VDAC1: variants seen among roughly 807,000 people sequenced by gnomAD.
VDAC1 encodes the protein non-selective voltage-gated ion channel VDAC1.
Under a neutral mutation model 34.7 loss-of-function variants are expected in VDAC1, and 10 were observed. That is an observed-to-expected ratio of 0.29 (90% CI 0.18 to 0.49). The LOEUF (loss-of-function observed/expected upper bound fraction) is 0.49, where lower values mean the gene tolerates loss of function less well. Ranked by LOEUF, VDAC1 falls within the 20% of genes least tolerant of loss-of-function variation. The pLI, the probability that VDAC1 is intolerant of heterozygous loss-of-function variation, is 0.99. For synonymous variants in VDAC1, 130 were observed against 136.0 expected (o/e 0.96, Z 0.30); for missense variants, 230 against 347.9 (o/e 0.66, Z 2.69).
chr5:134,095,501 T>C, the VDAC1 span, among the ~76,000 whole-genome samples: 1 of 142,228 alleles, frequency 7.0e-6, no homozygotes, highest in African/African-American at 3.1e-5. Context: ...AATAAATAAA[T>C]AAATAAATAA....
the VDAC1 span, among the ~76,000 whole-genome samples, chr5:134,028,937 C>T: frequency 6.6e-6 from 1 of 152,176 alleles, no homozygotes; most frequent in Non-Finnish European, 1.5e-5. Context: ...CTGGATCCCT[C>T]ATCCTAGGAA....
the VDAC1 span, among the ~76,000 whole-genome samples, chr5:134,090,588 C>G: frequency 6.6e-6 from 1 of 152,154 alleles, no homozygotes; most frequent in Non-Finnish European, 1.5e-5. Context: ...GTCCTCCCAC[C>G]CTCAGCCTCC....
At chr5:134,000,252 T>C (rs979413479) in intron 1 of VDAC1, among the ~76,000 whole-genome samples, 2 of 152,202 alleles carry the variant, frequency 1.3e-5, no homozygotes, top group African/African-American at 2.4e-5. Context: ...GCGTACCCAA[T>C]GCAGCTGTTC....
chr5:133,978,792 C>T (rs1388049438), intron 6 of VDAC1, among the ~76,000 whole-genome samples: 1 of 152,128 alleles, frequency 6.6e-6, no homozygotes, highest in African/African-American at 2.4e-5. Context: ...GCGGGCAGAT[C>T]GCTTGAGCTC....
chr5:133,973,840 C>T lies in VDAC1; in HGVS notation c.711G>A (p.Val237=). ...IDPDACFSAK[V]NNSSLIGLGY... ...CTAAACCTATCAGGCTGGAGTTGTT[C>T]ACTTTAGCCTAATCAAGGAAATGAC... Residue 237 remains valine, a synonymous_variant, in exon 8 of 9, where the codon GTG becomes GTA. Coordinates refer to ENST00000265333, the MANE Select transcript of VDAC1 (RefSeq NM_003374.3). The T allele has an allele frequency of 6.2e-7, 1 of 1,612,996 alleles. No individual in the cohort carries two copies. Among genetic ancestry groups the T allele is most frequent in the Non-Finnish European group, 8.5e-7 (1 of 1,179,730 alleles).
At chr5:134,045,802 A>T in the VDAC1 span, among the ~76,000 whole-genome samples, 1 of 151,648 alleles carries the variant, frequency 6.6e-6, no homozygotes, top group South Asian at 2.1e-4. Flanking sequence ...CTCCTGCCTC[A>T]GCCTCCCGAG....
chr5:134,046,697 G>A, the VDAC1 span, among the ~76,000 whole-genome samples: 1 of 152,180 alleles, frequency 6.6e-6, no homozygotes, highest in African/African-American at 2.4e-5. Context: ...GTTGTTTTGG[G>A]CAGCACCTCA....
the VDAC1 span, among the ~76,000 whole-genome samples, chr5:134,102,215 C>T: frequency 5.3e-5 from 8 of 152,030 alleles, no homozygotes; most frequent in African/African-American, 1.7e-4. Context: ...CTCTGGGCCT[C>T]GCCTGGGCTG....
At chr5:134,025,918 G>C in the VDAC1 span, among the ~76,000 whole-genome samples, 1 of 152,316 alleles carries the variant, frequency 6.6e-6, no homozygotes, top group African/African-American at 2.4e-5. Context: ...CTGGGTTGGA[G>C]GAGGGGCAGG....
chr5:134,063,354 T>C, the VDAC1 span, among the ~76,000 whole-genome samples: 1 of 152,180 alleles, frequency 6.6e-6, no homozygotes, highest in Admixed American at 6.6e-5. Flanking sequence ...TACTTAACAG[T>C]CTTGGTTGAT....
chr5:134,070,299 GC>G, the VDAC1 span, among the ~76,000 whole-genome samples: 2 of 151,974 alleles, frequency 1.3e-5, no homozygotes, highest in Non-Finnish European at 2.9e-5. Flanking sequence ...CTCCCAGCAT[GC>G]TCGGTTAATT....
At chr5:133,996,253 C>T (rs1459604388) in intron 1 of VDAC1, among the ~76,000 whole-genome samples, 1 of 152,170 alleles carries the variant, frequency 6.6e-6, no homozygotes, top group Admixed American at 6.5e-5. Context: ...TGCCTGCAGT[C>T]ACTGAAGACT....
At chr5:134,015,057 C>G in the VDAC1 span, among the ~76,000 whole-genome samples, 1 of 152,118 alleles carries the variant, frequency 6.6e-6, no homozygotes, top group Non-Finnish European at 1.5e-5. Context: ...ATGTCCTTTG[C>G]AGCAACATGG....
chr5:133,983,271 GAA>G lies in VDAC1; in HGVS notation c.324-2317_324-2316del, dbSNP rs200595119. ...CTTTAAAAAAAAAAAAAAAGAAAAA[GAA>G]ATGATCAACTTTTTTCAATATAATA... On this transcript the variant is annotated intron_variant, in intron 5 of 8. Coordinates refer to ENST00000265333, the MANE Select transcript of VDAC1 (RefSeq NM_003374.3). 3.2e-3 allele frequency among the ~76,000 whole-genome samples: 482 copies of G among 149,492 alleles called. 3 individuals are homozygous for G. The highest frequency in any genetic ancestry group is 0.012 in the Admixed American group (176 of 15,002).
At chr5:134,064,339 T>C in the VDAC1 span, among the ~76,000 whole-genome samples, 24 of 152,146 alleles carry the variant, frequency 1.6e-4, no homozygotes, top group African/African-American at 5.8e-4. Context: ...AGAGTCTTAT[T>C]CTGTCACCCA....
the VDAC1 span, among the ~76,000 whole-genome samples, chr5:134,060,908 C>T: frequency 1.4e-5 from 1 of 69,420 alleles, no homozygotes; most frequent in African/African-American, 6.8e-5. Flanking sequence ...GACAGGGTCT[C>T]ACCCTGTCAC....
the VDAC1 span, among the ~76,000 whole-genome samples, chr5:134,109,327 T>G: frequency 6.6e-6 from 1 of 152,190 alleles, no homozygotes; most frequent in African/African-American, 2.4e-5. Context: ...ACATAGGATT[T>G]AGTGCAGGCG....
At position 133,975,922 on chromosome 5, in the gene VDAC1, C is replaced by G. The variant is rs542220207; in HGVS notation, c.651G>C (p.Thr217=). 1.9e-6 allele frequency: 3 copies of G among 1,612,982 alleles called. No homozygotes were observed. The African/African-American group carries it at 4.0e-5, about 22-fold the overall frequency. ...GATACTTGGCTGCTATTCCGAAGCGCGTGTTACTGTTTCCTGCTGTCCAGG... is the reference window on the plus strand; with the variant it reads ...GATACTTGGCTGCTATTCCGAAGCGGGTGTTACTGTTTCCTGCTGTCCAGG... ...NLAWTAGNSN[T]RFGIAAKYQI... The change falls in exon 7 of 9, where the codon ACG becomes ACC. Residue 217 remains threonine (T), a synonymous_variant. Coordinates refer to ENST00000265333, the MANE Select transcript of VDAC1 (RefSeq NM_003374.3).
the VDAC1 span, among the ~76,000 whole-genome samples, chr5:134,098,369 C>T: frequency 6.7e-6 from 1 of 148,642 alleles, no homozygotes; most frequent in Non-Finnish European, 1.5e-5. Flanking sequence ...GGATTACAGG[C>T]ACCCACCACC....
Sources: gnomAD v4.1 joint callset for allele counts (sites outside exome capture counted in the v4.1 genomes callset) on GRCh38, gnomAD v4.1.1 for gene constraint, MANE v1.5 for transcripts, NCBI Gene and HGNC (gene_info 2026-07-23, HGNC 2026-07-21) for gene names.